The following ULK4 variants were observed in gnomAD, a reference collection of about 807,000 sequenced individuals.
ULK4 encodes the protein unc-51 like kinase 4, also known as inactive serine/threonine-protein kinase ULK4.
ULK4 carries 133 observed loss-of-function variants against 160.6 expected under a neutral mutation model. That is an observed-to-expected ratio of 0.83 (90% CI 0.72 to 0.96). The LOEUF (loss-of-function observed/expected upper bound fraction) is 0.96, where lower values mean the gene tolerates loss of function less well. Among genes scored for constraint, ULK4 ranks in the 40% least tolerant of loss-of-function variants. The probability of loss-of-function intolerance (pLI) is 0.00; values close to 1 mark genes in which losing one functional copy is unlikely to be tolerated. For missense variants in ULK4, 1,580 were observed against 1,499.5 expected (o/e 1.05, Z -0.89); for synonymous variants, 534 against 539.8 (o/e 0.99, Z 0.15).
At chr3:41,481,575 C>T (rs1042392208) in intron 32 of ULK4, among the ~76,000 whole-genome samples, 2 of 152,200 alleles carry the variant, frequency 1.3e-5, no homozygotes, top group Non-Finnish European at 2.9e-5. Context: ...CGCCTGTAAT[C>T]CCAGCACTTT....
chr3:41,810,923 T>C (rs1345330288), intron 19 of ULK4, among the ~76,000 whole-genome samples: 1 of 152,200 alleles, frequency 6.6e-6, no homozygotes, highest in Non-Finnish European at 1.5e-5. Context: ...TCTTGCTCTG[T>C]TGCCCAGGCT....
At chr3:41,500,789 G>GC (rs1378293282) in intron 32 of ULK4, among the ~76,000 whole-genome samples, 5 of 152,162 alleles carry the variant, frequency 3.3e-5, no homozygotes, top group African/African-American at 1.2e-4. Flanking sequence ...ATAGGCTCAT[G>GC]CCGGTCATAT....
chr3:41,826,499 G>C (rs957255039), intron 18 of ULK4, among the ~76,000 whole-genome samples: 1 of 151,128 alleles, frequency 6.6e-6, no homozygotes, highest in African/African-American at 2.4e-5. Flanking sequence ...AAAAGGCAGG[G>C]GTTGCAATCC....
chr3:41,639,427 A>G (rs2034094055), intron 30 of ULK4, among the ~76,000 whole-genome samples: 1 of 152,204 alleles, frequency 6.6e-6, no homozygotes, highest in Non-Finnish European at 1.5e-5. Flanking sequence ...CTAGTCAAAC[A>G]AAAAATAAAC....
chr3:41,727,716 T>G (rs1032257931), intron 22 of ULK4, among the ~76,000 whole-genome samples: 1 of 151,786 alleles, frequency 6.6e-6, no homozygotes, highest in Admixed American at 6.6e-5. Flanking sequence ...GGAGAAAGAG[T>G]GGCATGATCT....
At chr3:41,488,171 A>C (rs1403762688) in intron 32 of ULK4, among the ~76,000 whole-genome samples, 1 of 152,244 alleles carries the variant, frequency 6.6e-6, no homozygotes, top group Non-Finnish European at 1.5e-5. Flanking sequence ...ATGCAAGTTT[A>C]GTTTCTAGCA....
intron 32 of ULK4, among the ~76,000 whole-genome samples, chr3:41,557,603 CA>C (rs202007149): frequency 1.9e-3 from 277 of 143,072 alleles, no homozygotes; most frequent in African/African-American, 3.5e-3. Context: ...CTGTCTCCAC[CA>C]AAAAAAAAAA....
intron 22 of ULK4, among the ~76,000 whole-genome samples, chr3:41,737,119 G>A (rs1245941129): frequency 1.3e-5 from 2 of 151,934 alleles, no homozygotes; most frequent in Non-Finnish European, 2.9e-5. Context: ...TTTGAAGTCA[G>A]GTAGTGTGAT....
chr3:41,878,425 C>T (rs1283317755), intron 17 of ULK4, among the ~76,000 whole-genome samples: 1 of 152,092 alleles, frequency 6.6e-6, no homozygotes, highest in Non-Finnish European at 1.5e-5. Context: ...TCTCACTAGA[C>T]ACGGAGATTT....
At chr3:41,942,084 G>A (rs1219533709) in intron 2 of ULK4, among the ~76,000 whole-genome samples, 1 of 152,108 alleles carries the variant, frequency 6.6e-6, no homozygotes, top group Non-Finnish European at 1.5e-5. Flanking sequence ...ACAGACCTGC[G>A]GTGTTCAATG....
rs537127793 is a variant in ULK4 at position 41,487,186 on chromosome 3, C to T, written c.3227-23933G>A. ...GAGACCTATGCAAATAATAATATAA[C>T]ACATTATGTAAAGATATAAAAGGAA... On this transcript the variant is annotated intron_variant, in intron 32 of 36. Transcript: ENST00000301831. Among the ~76,000 whole-genome samples the T allele has an allele frequency of 6.5e-4, 99 of 151,974 alleles. 1 individual carries two copies. Among genetic ancestry groups the T allele is most frequent in the Non-Finnish European group, 1.3e-3 (91 of 67,962 alleles).
chr3:41,711,370 G>A (rs924419558), intron 25 of ULK4, among the ~76,000 whole-genome samples: 3 of 152,054 alleles, frequency 2.0e-5, no homozygotes, highest in Non-Finnish European at 4.4e-5. Flanking sequence ...AGCAGTGTGT[G>A]CCAGCGCTCT....
intron 30 of ULK4, among the ~76,000 whole-genome samples, chr3:41,653,828 A>G (rs564653959): frequency 6.6e-6 from 1 of 152,366 alleles, no homozygotes; most frequent in African/African-American, 2.4e-5. Context: ...TCTCTGCTTT[A>G]GATGACAAGG....
chr3:41,668,647 A>G (rs1453141347), intron 29 of ULK4, among the ~76,000 whole-genome samples: 1 of 152,258 alleles, frequency 6.6e-6, no homozygotes, highest in Non-Finnish European at 1.5e-5. Flanking sequence ...CACATGGCAC[A>G]TGACTATAAA....
chr3:41,388,465 A>G (rs1234238043), intron 35 of ULK4, among the ~76,000 whole-genome samples: 1 of 151,974 alleles, frequency 6.6e-6, no homozygotes, highest in East Asian at 1.9e-4. Context: ...TATGTCCTGA[A>G]TGGTATTGCC....
At chr3:41,409,711 G>A (rs557935043) in intron 34 of ULK4, among the ~76,000 whole-genome samples, 74 of 152,262 alleles carry the variant, frequency 4.9e-4, no homozygotes, top group Non-Finnish European at 9.7e-4. Context: ...CACTCTGGGA[G>A]GCCGAGGCAG....
At chr3:41,780,074 GGC>G in intron 21 of ULK4, among the ~76,000 whole-genome samples, 1 of 151,960 alleles carries the variant, frequency 6.6e-6, no homozygotes, top group East Asian at 1.9e-4. Flanking sequence ...CACTTTGGGA[GGC>G]TGAGGCAGGT....
intron 17 of ULK4, among the ~76,000 whole-genome samples, chr3:41,842,059 T>C (rs1191754097): frequency 1.3e-5 from 2 of 151,384 alleles, no homozygotes; most frequent in African/African-American, 4.9e-5. Context: ...CGTGTTTATA[T>C]GCTGACCTTC....
intron 32 of ULK4, among the ~76,000 whole-genome samples, chr3:41,466,209 A>C (rs1475551902): frequency 2.0e-5 from 3 of 152,178 alleles, no homozygotes; most frequent in Non-Finnish European, 2.9e-5. Context: ...ACACTTCTCC[A>C]AGGAGCCCTG....
Sources: gnomAD v4.1 joint callset for allele counts (sites outside exome capture counted in the v4.1 genomes callset) on GRCh38, gnomAD v4.1.1 for gene constraint, MANE v1.5 for transcripts, NCBI Gene and HGNC (gene_info 2026-07-23, HGNC 2026-07-21) for gene names.